Variants in LRRC37B observed in about 807,000 individuals in gnomAD.
LRRC37B encodes the protein leucine rich repeat containing 37B, also known as leucine-rich repeat-containing protein 37B.
LRRC37B carries 28 observed loss-of-function variants against 98.3 expected under a neutral mutation model. The observed-to-expected ratio is 0.28, with a 90% CI of 0.21 to 0.39. LRRC37B has a LOEUF of 0.39. Among genes scored for constraint, LRRC37B ranks in the 10% least tolerant of loss-of-function variants. LRRC37B has a pLI of 1.00. For synonymous variants in LRRC37B, 364 were observed against 442.7 expected, an observed-to-expected ratio of 0.82 and a Z score of 2.23; for missense variants, 938 against 1,182.7, an observed-to-expected ratio of 0.79 and a Z score of 3.03.
chr17:32,042,319 G>A (rs1230737802), intron 7 of LRRC37B: 1 of 170,192 alleles, frequency 5.9e-6, no homozygotes, highest in Non-Finnish European at 1.3e-5. Flanking sequence ...TGTCACTCTG[G>A]CACAAGCTGC....
In LRRC37B at chr17:32,035,338, T is replaced by TAA. The variant is rs76777694; in HGVS notation, c.2130-218_2130-217dup. Among the ~76,000 whole-genome samples, 16 of 148,520 alleles carry TAA rather than the reference T, an allele frequency of 1.1e-4. No individual in the cohort carries two copies. In the South Asian group the frequency reaches 2.1e-3, roughly 20 times the overall value. The stretch of plus-strand genomic sequence containing the variant: ...TATGAAATGAGAAGTAAGATAATGG[T>TAA]AAAAAAAAAAGTGTAAGTTCTCTTA... On this transcript the variant is annotated intron_variant, in intron 6 of 11. Coordinates refer to ENST00000327564, the Ensembl canonical transcript of LRRC37B.
chr17:32,031,561 T>C (rs1227273733), intron 5 of LRRC37B, 103 bp downstream of exon 8: 22 of 1,265,730 alleles, frequency 1.7e-5, no homozygotes, highest in Middle Eastern at 3.1e-4. Context: ...CTCTGAAAAG[T>C]GTGTCTTAAG....
chr17:32,039,209 TC>T lies in LRRC37B; in HGVS notation c.2204+3571del, dbSNP rs549894214. Among the ~76,000 whole-genome samples, 357 of 151,872 alleles carry T rather than the reference TC, an allele frequency of 2.4e-3. 2 individuals are homozygous for T. Among genetic ancestry groups the T allele is most frequent in the African/African-American group, 8.0e-3 (333 of 41,470 alleles). ...CCAGGCTGGTTTCGAACTCCTGGCC[TC>T]AAGTGATCCTCCGGCCTCGTTCTCC... On this transcript the variant is annotated intron_variant, in intron 7 of 11. Coordinates refer to ENST00000327564, the Ensembl canonical transcript of LRRC37B.
At chr17:32,032,970 C>T (rs1911149983) in intron 5 of LRRC37B, among the ~76,000 whole-genome samples, 1 of 152,112 alleles carries the variant, frequency 6.6e-6, no homozygotes, top group African/African-American at 2.4e-5. Context: ...TCGAGACAAG[C>T]CTGACCAACA....
chr17:32,018,843 G>T (rs923826607), upstream of LRRC37B, among the ~76,000 whole-genome samples: 1 of 152,162 alleles, frequency 6.6e-6, no homozygotes, highest in Non-Finnish European at 1.5e-5. Context: ...GCAAAATGAG[G>T]TTTCGGTCAA....
At chr17:32,016,485 C>T (rs1910650961), upstream of LRRC37B, among the ~76,000 whole-genome samples, 1 of 152,150 alleles carries the variant, frequency 6.6e-6, no homozygotes. Flanking sequence ...GTAATCGTGC[C>T]TCCTGAGGCA....
At chr17:32,022,692 A>G in exon 1 of LRRC37B, 1 of 1,614,046 alleles carries the variant, frequency 6.2e-7, no homozygotes, top group East Asian at 2.2e-5. Flanking sequence ...GAAGGCCTCC[A>G]CAAGCACCAA....
chr17:32,020,525 A>G (rs1038603498), upstream of LRRC37B, among the ~76,000 whole-genome samples: 1 of 151,184 alleles, frequency 6.6e-6, no homozygotes, highest in Non-Finnish European at 1.5e-5. Flanking sequence ...CACCCCCAAC[A>G]CCCCTCCTAC....
chr17:32,023,877 T>A (rs1455408015), intron 1 of LRRC37B, among the ~76,000 whole-genome samples: 1 of 152,158 alleles, frequency 6.6e-6, no homozygotes, highest in African/African-American at 2.4e-5. Flanking sequence ...TGTATATAAT[T>A]AATTCCTGAA....
chr17:32,036,052 G>A lies in LRRC37B; in HGVS notation c.2204+413G>A, dbSNP rs1378119634. 7 of 190,298 alleles carry A rather than the reference G, an allele frequency of 3.7e-5. No individual in the cohort carries two copies. The East Asian group carries it at 5.2e-4, about 14-fold the overall frequency. 11.8% of individuals were successfully genotyped at this position (190,298 alleles called of 1,614,324 possible). On this transcript the variant is annotated intron_variant, in intron 7 of 11. Coordinates refer to ENST00000327564, the Ensembl canonical transcript of LRRC37B. The stretch of plus-strand genomic sequence containing the variant: ...GAGTCTCACTGTCACTCAGGCTGCA[G>A]TGCAGAGGCATGACCTCAGCTCACT...
rs1176077062 is a variant in LRRC37B, at chr17:32,035,670, CTTAG to C, written c.2204+34_2204+37del. 9.5e-6 allele frequency: 15 copies of C among 1,574,060 alleles called. No individual in the cohort carries two copies. The East Asian group carries it at 1.1e-4, about 12-fold the overall frequency. ...TTATTTTTTCTTAGATTTATTTTTA[CTTAG>C]TTGGTTTTTTAGGTTTGTTTTATTA... On this transcript the variant is annotated intron_variant, in intron 7 of 11. Transcript: ENST00000327564.
chr17:32,018,688 G>A (rs143516603), upstream of LRRC37B, among the ~76,000 whole-genome samples: 27 of 152,248 alleles, frequency 1.8e-4, no homozygotes, highest in East Asian at 4.1e-3. Flanking sequence ...AATGTAACTG[G>A]CCTTAAGACT....
chr17:32,013,016 T>G (rs1910570544), intron 1 of LRRC37B, among the ~76,000 whole-genome samples: 1 of 149,620 alleles, frequency 6.7e-6, no homozygotes, highest in Admixed American at 6.6e-5. Flanking sequence ...GACCCCGTCT[T>G]GAAAACAGAC....
At chr17:32,021,806 G>A (rs756460396) in exon 1 of LRRC37B, 1 of 1,614,202 alleles carries the variant, frequency 6.2e-7, no homozygotes. Context: ...GTCAGAAACA[G>A]ACTTTGCCAG....
At chr17:32,027,439 G>C (rs1481778686) in intron 2 of LRRC37B, among the ~76,000 whole-genome samples, 9 of 135,704 alleles carry the variant, frequency 6.6e-5, no homozygotes. Context: ...GCCTGTGTGT[G>C]TGTGCTTGCC....
At chr17:32,027,527 T>TTG (rs140364279) in intron 2 of LRRC37B, among the ~76,000 whole-genome samples, 2,712 of 143,246 alleles carry the variant, frequency 0.019, 90 homozygotes, top group African/African-American at 0.067. Context: ...GTGTGTGTGC[T>TTG]TGTGTGTGTG....
At chr17:32,048,966 G>A (rs1280758182) in intron 9 of LRRC37B, 136 bp from the exon 13 acceptor site, 1 of 1,473,832 alleles carries the variant, frequency 6.8e-7, no homozygotes, top group Non-Finnish European at 9.4e-7. Context: ...TCCTCCTGAG[G>A]CAGTTTCCGC....
intron 1 of LRRC37B, among the ~76,000 whole-genome samples, chr17:32,009,159 G>T (rs1567845742): frequency 6.6e-6 from 1 of 151,846 alleles, no homozygotes; most frequent in Non-Finnish European, 1.5e-5. Context: ...GTAGCTCCTT[G>T]TGGTTTTAAT....
At chr17:32,010,667 A>G (rs546285431) in intron 1 of LRRC37B, among the ~76,000 whole-genome samples, 1 of 152,324 alleles carries the variant, frequency 6.6e-6, no homozygotes, top group South Asian at 2.1e-4. Context: ...TGTTCTAGCT[A>G]TTTTAAAATA....
Sources: gnomAD v4.1 joint callset for allele counts (sites outside exome capture counted in the v4.1 genomes callset) on GRCh38, gnomAD v4.1.1 for gene constraint, MANE v1.5 for transcripts, NCBI Gene and HGNC (gene_info 2026-07-23, HGNC 2026-07-21) for gene names.